CSMD1: variants seen among roughly 807,000 people sequenced by gnomAD.
The protein encoded by CSMD1 is CUB and Sushi multiple domains 1, also known as CUB and sushi domain-containing protein 1.
A neutral mutation model predicts 417.5 loss-of-function variants in CSMD1; 213 were observed. That is an observed-to-expected ratio of 0.51 (90% CI 0.46 to 0.57). The LOEUF is 0.57. Among genes scored for constraint, CSMD1 ranks in the 20% least tolerant of loss-of-function variants. The pLI, the probability that CSMD1 is intolerant of heterozygous loss-of-function variation, is 0.00. For synonymous variants in CSMD1, 2,862 were observed against 1,736.8 expected (o/e 1.65, Z -16.11); for missense variants, 6,923 against 4,529.7 (o/e 1.53, Z -15.17).
intron 3 of CSMD1, among the ~76,000 whole-genome samples, chr8:4,356,206 T>C (rs1801421895): frequency 6.6e-6 from 1 of 152,148 alleles, no homozygotes; most frequent in South Asian, 2.1e-4. Context: ...AGATACAATG[T>C]TTGGTTTTCC....
chr8:4,658,107 G>C (rs1804358861), intron 1 of CSMD1, among the ~76,000 whole-genome samples: 1 of 151,810 alleles, frequency 6.6e-6, no homozygotes, highest in East Asian at 1.9e-4. Flanking sequence ...AACACATGGG[G>C]CACCATGAAA....
At chr8:3,076,987 G>A (rs768243224) in intron 49 of CSMD1, among the ~76,000 whole-genome samples, 1 of 151,612 alleles carries the variant, frequency 6.6e-6, no homozygotes, top group Non-Finnish European at 1.5e-5. Context: ...CCTCACCCCT[G>A]CTCACCGTCC....
At chr8:4,030,327 G>C (rs1424070489) in intron 4 of CSMD1, among the ~76,000 whole-genome samples, 1 of 152,176 alleles carries the variant, frequency 6.6e-6, no homozygotes, top group African/African-American at 2.4e-5. Context: ...GGACATCTAG[G>C]AATTTCTATA....
chr8:4,905,122 A>C (rs1436771849), intron 1 of CSMD1, among the ~76,000 whole-genome samples: 1 of 152,062 alleles, frequency 6.6e-6, no homozygotes, highest in East Asian at 1.9e-4. Context: ...TATATACTCA[A>C]CTTTTAAATG....
intron 1 of CSMD1, among the ~76,000 whole-genome samples, chr8:4,753,599 C>A (rs542060705): frequency 2.6e-5 from 4 of 152,302 alleles, no homozygotes; most frequent in Non-Finnish European, 5.9e-5. Flanking sequence ...ATGAACCTGA[C>A]ATCCTCACAG....
intron 3 of CSMD1, among the ~76,000 whole-genome samples, chr8:4,209,629 T>A (rs1057044485): frequency 6.6e-6 from 1 of 152,082 alleles, no homozygotes; most frequent in South Asian, 2.1e-4. Context: ...AGCCCCCGAA[T>A]TGGGGCTTAG....
chr8:3,180,864 G>C (rs987348122), intron 37 of CSMD1, among the ~76,000 whole-genome samples: 4 of 151,916 alleles, frequency 2.6e-5, no homozygotes, highest in Non-Finnish European at 4.4e-5. Context: ...GCCTGGTCTT[G>C]AACACCTGAT....
intron 3 of CSMD1, among the ~76,000 whole-genome samples, chr8:4,361,685 T>A (rs1217783891): frequency 6.6e-6 from 1 of 151,944 alleles, no homozygotes; most frequent in East Asian, 1.9e-4. Context: ...GTGCGACGGC[T>A]TGGCTCACGC....
Position 3,045,634 on chromosome 8 carries a change from G to A in CSMD1, c.7660+6828C>T, listed in dbSNP as rs114613109. Among the ~76,000 whole-genome samples, 1,285 of 152,188 alleles carry A rather than the reference G, an allele frequency of 8.4e-3. 11 individuals carry two copies. Among genetic ancestry groups the A allele is most frequent in the African/African-American group, 0.03 (1,238 of 41,498 alleles). On this transcript the variant is annotated intron_variant, in intron 50 of 69. Transcript: ENST00000635120. ...ATAAACCACATGCAATGTTAAAGTG[G>A]CACCTGTTTCCTGCTTGTGTTCTCA... is the stretch of plus-strand genomic sequence containing the variant.
At chr8:3,384,978 A>C (rs1490257295) in intron 18 of CSMD1, among the ~76,000 whole-genome samples, 1 of 119,850 alleles carries the variant, frequency 8.3e-6, no homozygotes, top group Non-Finnish European at 1.6e-5. Flanking sequence ...ATGCATATAT[A>C]GCATATATAA....
At chr8:4,334,772 G>A (rs528251291) in intron 3 of CSMD1, among the ~76,000 whole-genome samples, 1 of 152,090 alleles carries the variant, frequency 6.6e-6, no homozygotes, top group South Asian at 2.1e-4. Flanking sequence ...GTTGAATGTA[G>A]GCATTTTAGT....
At position 2,937,319 on chromosome 8, in the gene CSMD1, C is replaced by T. The variant is rs1332736896; in HGVS notation, c.*1266G>A. On this transcript the variant is annotated 3_prime_UTR_variant, in exon 70 of 70. Coordinates refer to ENST00000635120, the MANE Select transcript of CSMD1 (RefSeq NM_033225.6). ...GAGAGGAGAGTGTGTGTACTTTTTC[C>T]TTCCCTCTAAAAGAACACTTGGTAT... 1 of 151,724 alleles carries T rather than the reference C, an allele frequency of 6.6e-6. No homozygotes were observed. Among genetic ancestry groups the T allele is most frequent in the African/African-American group, 2.4e-5 (1 of 41,284 alleles). 9.4% of individuals were successfully genotyped at this position (151,724 alleles called of 1,614,324 possible).
intron 3 of CSMD1, among the ~76,000 whole-genome samples, chr8:4,395,844 A>G (rs1191563304): frequency 2.0e-5 from 3 of 152,198 alleles, no homozygotes; most frequent in African/African-American, 4.8e-5. Flanking sequence ...TTAGAAAATG[A>G]TAGCATGAAA....
intron 1 of CSMD1, among the ~76,000 whole-genome samples, chr8:4,968,483 G>A (rs145750209): frequency 1.8e-4 from 28 of 152,012 alleles, no homozygotes; most frequent in African/African-American, 6.8e-4. Context: ...CATAGATTAA[G>A]ATATAGGAAA....
At chr8:4,609,192 G>C (rs928007671) in intron 2 of CSMD1, among the ~76,000 whole-genome samples, 2 of 152,146 alleles carry the variant, frequency 1.3e-5, no homozygotes, top group African/African-American at 4.8e-5. Context: ...TTCAACTCTG[G>C]TGTTCCAGAC....
In CSMD1 at chr8:3,786,438, G is replaced by C. The variant is rs9644355; in HGVS notation, c.819-32396C>G. 9.5e-4 allele frequency among the ~76,000 whole-genome samples: 144 copies of C among 152,170 alleles called. 3 individuals are homozygous for C. The East Asian group carries it at 0.024, about 26-fold the overall frequency. ...GGGGACCACAAAAGTACGAGAGAAA[G>C]CATCTGTAAAGCCATAAATAAGGGG... is the stretch of plus-strand genomic sequence containing the variant. On this transcript the variant is annotated intron_variant, in intron 5 of 69. Transcript: ENST00000635120.
chr8:4,479,975 A>T (rs569220585), intron 2 of CSMD1, among the ~76,000 whole-genome samples: 12,346 of 151,290 alleles, frequency 0.082, 737 homozygotes, highest in East Asian at 0.21. Context: ...CAAAAAAAAA[A>T]AAAAATAAAA....
intron 3 of CSMD1, among the ~76,000 whole-genome samples, chr8:4,093,933 C>T (rs894955614): frequency 2.6e-5 from 4 of 151,462 alleles, no homozygotes; most frequent in Non-Finnish European, 5.9e-5. Flanking sequence ...ACGCTCCAAC[C>T]TGAGCAAAAG....
intron 3 of CSMD1, among the ~76,000 whole-genome samples, chr8:4,331,267 C>T (rs768022914): frequency 6.6e-5 from 10 of 152,090 alleles, no homozygotes; most frequent in Admixed American, 2.6e-4. Flanking sequence ...CCAGGGAACT[C>T]GGTGACACAA....
Sources: gnomAD v4.1 joint callset for allele counts (sites outside exome capture counted in the v4.1 genomes callset) on GRCh38, gnomAD v4.1.1 for gene constraint, MANE v1.5 for transcripts, NCBI Gene and HGNC (gene_info 2026-07-23, HGNC 2026-07-21) for gene names.